The following SCNN1D variants were observed in gnomAD, a reference collection of about 807,000 sequenced individuals.
SCNN1D encodes the protein epithelial sodium channel subunit delta.
A neutral mutation model predicts 87.8 loss-of-function variants in SCNN1D; 104 were observed. The ratio of observed to expected loss-of-function variants is 1.18; its 90% CI spans 1.01 to 1.39. SCNN1D has a LOEUF of 1.39. Among genes scored for constraint, SCNN1D ranks in the 40% most tolerant of loss-of-function variants. SCNN1D has a pLI of 0.00. For missense variants in SCNN1D, 1,324 were observed against 1,093.9 expected, an observed-to-expected ratio of 1.21 and a Z score of -2.97; for synonymous variants, 628 against 481.2, an observed-to-expected ratio of 1.31 and a Z score of -3.99.
Position 1,287,575 on chromosome 1 carries a change from C to T in SCNN1D, c.1378C>T (p.Gln460Ter). ...CYTVDGVWTA[Q>*]RPGITHGVGL... The stretch of plus-strand genomic sequence containing the variant: ...CACGGTCGATGGCGTCTGGACAGCT[C>T]AGCGCCCCGGCATCACCCACGGTGG... Residue 460 changes from glutamine (Q) to a stop codon, truncating the protein, a stop_gained, in exon 10 of 18, where the codon CAG (glutamine) becomes TAG (stop). Transcript: ENST00000379116. LOFTEE classifies it high-confidence loss of function. The T allele has an allele frequency of 6.3e-7, 1 of 1,589,902 alleles. No homozygotes were observed. Among genetic ancestry groups the T allele is most frequent in the South Asian group, 1.1e-5 (1 of 87,616 alleles).
rs13306643 is a variant in SCNN1D at position 1,285,817 on chromosome 1, G to A, written c.559-109G>A. ...CACCCTGGGAGGGGCTTGTCCGAGC[G>A]ACCGAGCAGGTAGGGCGGGGCACTG... On this transcript the variant is annotated intron_variant, in intron 6 of 17. Transcript: ENST00000379116. 1.6e-3 allele frequency: 2,083 copies of A among 1,268,286 alleles called. 97 individuals are homozygous for A. In the East Asian group the frequency reaches 0.049, roughly 30 times the overall value. The allele number at this position is 1,268,286 out of a possible 1,614,324, so 78.6% of individuals were successfully genotyped here.
In SCNN1D at chr1:1,290,347, C is replaced by G. The variant is rs578015493; in HGVS notation, c.1739C>G (p.Ala580Gly). 1 of 1,596,162 alleles carries G rather than the reference C, an allele frequency of 6.3e-7. No homozygotes were observed. The highest frequency in any genetic ancestry group is 8.6e-7 in the Non-Finnish European group (1 of 1,169,570). The change falls in exon 13 of 18, where the codon GCG (alanine) becomes GGG (glycine). Residue 580 changes from alanine (A) to glycine (G), a missense_variant. By Grantham distance (60) the Ala-to-Gly change is moderately conservative. Coordinates refer to ENST00000379116, the MANE Select transcript of SCNN1D (RefSeq NM_001130413.4). ...SCGYYLHPLPAGAEYCSSARH... is the reference protein window; with the variant it reads ...SCGYYLHPLPGGAEYCSSARH... ...GGCTACTACCTCCACCCTCTGCCGG[C>G]GGGGGCTGAGTACTGCAGCTCTGCC...
chr1:1,291,243 C>T lies in SCNN1D; in HGVS notation c.2053-11C>T. 1 of 1,560,530 alleles carries T rather than the reference C, an allele frequency of 6.4e-7. No individual in the cohort carries two copies. ...CTGGGCCCGCCCCTCACACCCGCAC[C>T]CCACCCGCAGGTGCCGCAGCTGCTC... On this transcript the variant is annotated splice_polypyrimidine_tract_variant and intron_variant, in intron 17 of 17. Transcript: ENST00000379116.
At chr1:1,281,831 C>T (rs918625772) in intron 3 of SCNN1D, 18 of 592,498 alleles carry the variant, frequency 3.0e-5, no homozygotes, top group African/African-American at 1.9e-4. Flanking sequence ...CCCCACTGGC[C>T]GGACCTGGGC....
Position 1,287,985 on chromosome 1 carries a change from G to A in SCNN1D, c.1610G>A (p.Gly537Asp), listed in dbSNP as rs1197591518. 1.6e-5 allele frequency: 25 copies of A among 1,546,684 alleles called. No homozygotes were observed. Among genetic ancestry groups the A allele is most frequent in the Non-Finnish European group, 2.2e-5 (25 of 1,145,436 alleles). Residue 537 changes from glycine (G) to aspartate (D), a missense_variant, in exon 12 of 18, where the codon GGC becomes GAC. Transcript: ENST00000379116. ...AGCCCCTACGGCCACTGCACCGCCG[G>A]CGGGGAAGGCGTGGAGGTGGAGCTG... is the stretch of plus-strand genomic sequence containing the variant. ...LGSPYGHCTA[G>D]GEGVEVELLH...
At position 1,287,164 on chromosome 1, in the gene SCNN1D, C is replaced by T. The variant is rs768331074; in HGVS notation, c.1175C>T (p.Ala392Val). Reference sequence around the variant, plus strand: ...CGAGGCTACACGTCAGGCGTGGCGGCTGTCCAGGACTGGTACCACTTCCAC... The same window carrying T: ...CGAGGCTACACGTCAGGCGTGGCGGTTGTCCAGGACTGGTACCACTTCCAC... ...FYRGYTSGVA[A>V]VQDWYHFHYV... The change falls in exon 9 of 18, where the codon GCT (alanine) becomes GTT (valine). Residue 392 changes from alanine (A) to valine (V), a missense_variant. Ala to Val is a moderately conservative substitution (Grantham distance 64, BLOSUM62 0). Coordinates refer to ENST00000379116, the MANE Select transcript of SCNN1D (RefSeq NM_001130413.4). The T allele has an allele frequency of 3.7e-6, 6 of 1,609,014 alleles. No individual in the cohort carries two copies. In the East Asian group the frequency reaches 1.3e-4, roughly 36 times the overall value.
At chr1:1,287,062 G>T (rs1640608929) in intron 8 of SCNN1D, 47 bp from the exon 9 acceptor site, 1 of 1,576,596 alleles carries the variant, frequency 6.3e-7, no homozygotes, top group Non-Finnish European at 8.6e-7. Flanking sequence ...GTGGGGAGCG[G>T]GGCCTGGGCT....
At position 1,291,296 on chromosome 1, in the gene SCNN1D, T is replaced by C. The variant is rs1640806237; in HGVS notation, c.2095T>C (p.Trp699Arg). Reference sequence around the variant, plus strand: ...GGCCATGGGCAGCCTCTGCAGCCTGTGGTTTGGGGCCTCCGTCCTCTCCCT... The same window carrying C: ...GGCCATGGGCAGCCTCTGCAGCCTGCGGTTTGGGGCCTCCGTCCTCTCCCT... ...LSAMGSLCSLWFGASVLSLLE... is the reference protein window; with the variant it reads ...LSAMGSLCSLRFGASVLSLLE... Residue 699 changes from tryptophan to arginine, a missense_variant, in exon 18 of 18, where the codon TGG (tryptophan) becomes CGG (arginine). Transcript: ENST00000379116. The C allele has an allele frequency of 6.3e-7, 1 of 1,575,504 alleles. No individual in the cohort carries two copies. The highest frequency in any genetic ancestry group is 8.6e-7 in the Non-Finnish European group (1 of 1,162,876).
At chr1:1,287,052 G>A (rs1640608487) in intron 8 of SCNN1D, 57 bp from the exon 9 acceptor site, 2 of 1,577,382 alleles carry the variant, frequency 1.3e-6, no homozygotes, top group African/African-American at 1.3e-5. Flanking sequence ...GGTACCTCGA[G>A]TGGGGAGCGG....
chr1:1,282,246 G>C lies in SCNN1D; in HGVS notation c.282G>C (p.Leu94=). The stretch of plus-strand genomic sequence containing the variant: ...ACGAAGCTGTGATTCACACAGGCCT[G>C]GGTGACTCCAGCATGGCTTTCCTCT... ...SGPIQGCGTG[L]GDSSMAFLSR... is the part of the protein sequence containing the mutation. The change falls in exon 4 of 18, where the codon CTG becomes CTC. Residue 94 remains leucine, a synonymous_variant. Transcript: ENST00000379116. The C allele has an allele frequency of 6.7e-7, 1 of 1,500,518 alleles. No individual in the cohort carries two copies. The highest frequency in any genetic ancestry group is 1.2e-5 in the South Asian group (1 of 83,074). The allele number at this position is 1,500,518 out of a possible 1,614,324, so 93.0% of individuals were successfully genotyped here.
chr1:1,291,126 G>T lies in SCNN1D; in HGVS notation c.2038G>T (p.Ala680Ser). The change falls in exon 17 of 18, where the codon GCG becomes TCG. Residue 680 changes from alanine to serine, a missense_variant. Transcript: ENST00000379116. ...GCTCAACTACCGCTCAGTGGAGGAG[G>T]CGCCCGTGTACTCGGTGAGCCTTGG... ...QELNYRSVEE[A>S]PVYSVPQLLS... The T allele has an allele frequency of 1.2e-6, 2 of 1,612,104 alleles. No homozygotes were observed. Among genetic ancestry groups the T allele is most frequent in the Non-Finnish European group, 1.7e-6 (2 of 1,179,704 alleles).
intron 16 of SCNN1D, 31 bp from the exon 17 acceptor site, chr1:1,291,034 C>G: frequency 6.2e-7 from 1 of 1,605,454 alleles, no homozygotes; most frequent in Non-Finnish European, 8.5e-7. Flanking sequence ...AAGGTCTGGG[C>G]CAGCGCCCTC....
intron 5 of SCNN1D, among the ~76,000 whole-genome samples, chr1:1,284,691 G>T (rs142457657): frequency 6.6e-6 from 1 of 152,038 alleles, no homozygotes; most frequent in Non-Finnish European, 1.5e-5. Context: ...GACAGACCCC[G>T]GGAGAACACT....
intron 15 of SCNN1D, 24 bp from the exon 16 acceptor site, chr1:1,290,871 C>T (rs933590705): frequency 1.0e-5 from 16 of 1,607,880 alleles, no homozygotes; most frequent in Non-Finnish European, 1.4e-5. Flanking sequence ...GGAGCCGTGG[C>T]CACAGCAAAC....
chr1:1,285,726 G>C (rs1026431151), intron 6 of SCNN1D, 62 bp downstream of exon 6: 7 of 1,356,446 alleles, frequency 5.2e-6, no homozygotes, highest in Non-Finnish European at 7.0e-6. Context: ...CTCAAACTCA[G>C]CTCCAAGGCT....
chr1:1,285,740 CTG>C, intron 6 of SCNN1D, 76 bp downstream of exon 6: 1 of 1,294,272 alleles, frequency 7.7e-7, no homozygotes, highest in East Asian at 2.5e-5. Context: ...CAAGGCTACA[CTG>C]AGACGTGTCA....
chr1:1,290,488 T>C lies in SCNN1D; in HGVS notation c.1792T>C (p.Tyr598His). 6.2e-7 allele frequency: 1 copy of C among 1,612,692 alleles called. No homozygotes were observed. Among genetic ancestry groups the C allele is most frequent in the Non-Finnish European group, 8.5e-7 (1 of 1,179,912 alleles). Residue 598 changes from tyrosine to histidine, a missense_variant, in exon 14 of 18, where the codon TAC (tyrosine) becomes CAC (histidine). Coordinates refer to ENST00000379116, the MANE Select transcript of SCNN1D (RefSeq NM_001130413.4). ...ARHPAWGHCF[Y>H]RLYQDLETHR... ...GACCCCTCCCCAAGGACACTGCTTC[T>C]ACCGCCTCTACCAGGACCTGGAGAC...
intron 7 of SCNN1D, 121 bp downstream of exon 7, chr1:1,286,399 C>T: frequency 1.2e-6 from 1 of 812,504 alleles, no homozygotes. Flanking sequence ...TGGTCAATGC[C>T]ACCCTCCTGG....
In SCNN1D at chr1:1,291,463, G is replaced by C; in HGVS notation, c.2262G>C (p.Gln754His). The C allele has an allele frequency of 6.2e-7, 1 of 1,608,362 alleles. No homozygotes were observed. Among genetic ancestry groups the C allele is most frequent in the Non-Finnish European group, 8.5e-7 (1 of 1,177,268 alleles). The change falls in exon 18 of 18, where the codon CAG (glutamine) becomes CAC (histidine). Residue 754 changes from glutamine (Q) to histidine (H), a missense_variant. Physicochemically the swap from Gln to His is conservative, Grantham distance 24. Transcript: ENST00000379116. ...CCAGCATCAAGCCAGAGGCCAGTCA[G>C]ATGCCCCCGCCTGCAGGCGGCACGT... ...GASSIKPEAS[Q>H]MPPPAGGTSD... is the part of the protein sequence containing the mutation.
Sources: gnomAD v4.1 joint callset for allele counts (sites outside exome capture counted in the v4.1 genomes callset) on GRCh38, gnomAD v4.1.1 for gene constraint, MANE v1.5 for transcripts, NCBI Gene and HGNC (gene_info 2026-07-23, HGNC 2026-07-21) for gene names.